COL23A1: variants seen among roughly 807,000 people sequenced by gnomAD.
COL23A1 encodes the protein collagen alpha-1(XXIII) chain.
A neutral mutation model predicts 99.3 loss-of-function variants in COL23A1; 97 were observed. That is an observed-to-expected ratio of 0.98 (90% CI 0.83 to 1.16). The LOEUF (loss-of-function observed/expected upper bound fraction) is 1.16, where lower values mean the gene tolerates loss of function less well. Among genes scored for constraint, COL23A1 ranks in the 50% most tolerant of loss-of-function variants. The pLI is 0.00. For missense variants in COL23A1, 762 were observed against 757.4 expected (o/e 1.01, Z -0.07); for synonymous variants, 320 against 308.2 (o/e 1.04, Z -0.40).
chr5:178,278,745 G>C (rs1357315295), intron 5 of COL23A1, among the ~76,000 whole-genome samples: 1 of 152,204 alleles, frequency 6.6e-6, no homozygotes, highest in East Asian at 1.9e-4. Context: ...ATGAGGTCCT[G>C]CCCCGTAGAC....
intron 1 of COL23A1, among the ~76,000 whole-genome samples, chr5:178,566,016 T>C (rs1182719111): frequency 1.3e-5 from 2 of 149,870 alleles, no homozygotes; most frequent in African/African-American, 4.9e-5. Flanking sequence ...TAGTCCCAGA[T>C]ACTCAAGAGG....
Position 178,343,664 on chromosome 5 carries a change from T to TATATATA in COL23A1, c.362-36746_362-36745insTATATAT, listed in dbSNP as rs141882396. ...TGAATTTTTCCATTATATATATATA[T>TATATATA]TTTTTTTTTTTTTTGGAGACGGAGT... On this transcript the variant is annotated intron_variant, in intron 2 of 28. Coordinates refer to ENST00000390654, the MANE Select transcript of COL23A1 (RefSeq NM_173465.4). 3.6e-3 allele frequency among the ~76,000 whole-genome samples: 468 copies of TATATATA among 128,800 alleles called. 1 individual carries two copies. Among genetic ancestry groups the TATATATA allele is most frequent in the African/African-American group, 0.013 (444 of 33,922 alleles). The allele number at this position is 128,800 out of a possible 152,430, so 84.5% of individuals were successfully genotyped here.
chr5:178,250,227 G>T, intron 17 of COL23A1, 122 bp from the exon 18 acceptor site: 1 of 1,056,218 alleles, frequency 9.5e-7, no homozygotes, highest in Non-Finnish European at 1.4e-6. Flanking sequence ...TGGACCTCTA[G>T]CTGTGCCAGG....
At chr5:178,241,165 A>T (rs1349854019) in intron 27 of COL23A1, among the ~76,000 whole-genome samples, 1 of 152,064 alleles carries the variant, frequency 6.6e-6, no homozygotes, top group Non-Finnish European at 1.5e-5. Context: ...TGGGAGATGG[A>T]GGCTGCAGTG....
At chr5:178,568,275 G>T (rs73344493) in intron 1 of COL23A1, among the ~76,000 whole-genome samples, 2,272 of 152,182 alleles carry the variant, frequency 0.015, 54 homozygotes, top group African/African-American at 0.052. Context: ...CAAATGCAAC[G>T]TGTGTCCTAG....
intron 2 of COL23A1, among the ~76,000 whole-genome samples, chr5:178,403,122 AT>A (rs67775809): frequency 0.35 from 37,731 of 108,608 alleles, 11,094 homozygotes; most frequent in South Asian, 0.46. Context: ...AAAAAAAAAA[AT>A]AAATAAATAA....
At chr5:178,471,485 C>T (rs1250384257) in intron 2 of COL23A1, among the ~76,000 whole-genome samples, 2 of 151,804 alleles carry the variant, frequency 1.3e-5, no homozygotes, top group African/African-American at 4.8e-5. Flanking sequence ...GTGATCTACC[C>T]GCCTCGGCCT....
At chr5:178,495,249 G>C (rs1758138141) in intron 2 of COL23A1, among the ~76,000 whole-genome samples, 1 of 152,234 alleles carries the variant, frequency 6.6e-6, no homozygotes. Context: ...GGCACCCTCT[G>C]CACAGCCTGA....
At chr5:178,362,293 T>C (rs905209721) in intron 2 of COL23A1, among the ~76,000 whole-genome samples, 5 of 151,992 alleles carry the variant, frequency 3.3e-5, no homozygotes, top group African/African-American at 9.7e-5. Flanking sequence ...TGGGTCCGAA[T>C]AGCGGCTCAA....
intron 2 of COL23A1, among the ~76,000 whole-genome samples, chr5:178,407,278 A>G (rs1046367606): frequency 6.6e-6 from 1 of 152,192 alleles, no homozygotes; most frequent in African/African-American, 2.4e-5. Context: ...CTCAGTTGAA[A>G]AGTTGGACTT....
intron 2 of COL23A1, among the ~76,000 whole-genome samples, chr5:178,318,409 C>T (rs1009004346): frequency 1.8e-4 from 27 of 152,226 alleles, no homozygotes; most frequent in Admixed American, 6.5e-4. Flanking sequence ...AGAGCCCCTC[C>T]CCAGACCCTT....
intron 2 of COL23A1, among the ~76,000 whole-genome samples, chr5:178,524,691 C>T (rs1048525567): frequency 6.6e-6 from 1 of 152,274 alleles, no homozygotes. Flanking sequence ...TGACCCGAGG[C>T]AGGGCTGGCT....
intron 2 of COL23A1, among the ~76,000 whole-genome samples, chr5:178,358,224 A>ATG (rs747443659): frequency 1.9e-5 from 1 of 53,380 alleles, no homozygotes; most frequent in African/African-American, 9.1e-5. Context: ...TGTGTGTCTA[A>ATG]TGTGTGTATG....
rs749462 is a variant in COL23A1 at position 178,263,199 on chromosome 5, C to A, written c.639+9G>T. On this transcript the variant is annotated intron_variant, in intron 9 of 28. Coordinates refer to ENST00000390654, the MANE Select transcript of COL23A1 (RefSeq NM_173465.4). ...GTCCTGCGTGGCCCAACTCCATGCCCTCTCTTACCGCTGGGCCTTGTGCTC... is the reference window on the plus strand; with the variant it reads ...GTCCTGCGTGGCCCAACTCCATGCCATCTCTTACCGCTGGGCCTTGTGCTC... The A allele has an allele frequency of 0.01, 16,437 of 1,602,622 alleles. 106 individuals are homozygous for A. Among genetic ancestry groups the A allele is most frequent in the Non-Finnish European group, 0.013 (14,878 of 1,169,584 alleles).
intron 2 of COL23A1, among the ~76,000 whole-genome samples, chr5:178,358,995 G>A (rs1762032440): frequency 6.6e-6 from 1 of 152,150 alleles, no homozygotes; most frequent in Admixed American, 6.5e-5. Context: ...AAATCCAACT[G>A]TCTAATAAAA....
chr5:178,337,626 G>T (rs1045508349), intron 2 of COL23A1, among the ~76,000 whole-genome samples: 5 of 151,974 alleles, frequency 3.3e-5, no homozygotes, highest in African/African-American at 1.2e-4. Context: ...TGGGGGAGGC[G>T]CTGTAGAGGG....
At chr5:178,370,884 G>C (rs1302619646) in intron 2 of COL23A1, among the ~76,000 whole-genome samples, 1 of 152,180 alleles carries the variant, frequency 6.6e-6, no homozygotes, top group Non-Finnish European at 1.5e-5. Flanking sequence ...CAAGGTTGCA[G>C]TGAGCCGTGA....
At chr5:178,449,210 C>T (rs1004658747) in intron 2 of COL23A1, among the ~76,000 whole-genome samples, 18 of 152,244 alleles carry the variant, frequency 1.2e-4, no homozygotes, top group Admixed American at 5.9e-4. Context: ...GTTATGGCAG[C>T]CCAAGTGGAC....
intron 2 of COL23A1, among the ~76,000 whole-genome samples, chr5:178,474,098 G>C (rs1756906359): frequency 6.6e-6 from 1 of 152,196 alleles, no homozygotes; most frequent in South Asian, 2.1e-4. Context: ...ATTCTCCAGA[G>C]CAAGAGTTCT....
Sources: gnomAD v4.1 joint callset for allele counts (sites outside exome capture counted in the v4.1 genomes callset) on GRCh38, gnomAD v4.1.1 for gene constraint, MANE v1.5 for transcripts, NCBI Gene and HGNC (gene_info 2026-07-23, HGNC 2026-07-21) for gene names.